The following SLC13A1 variants were observed in gnomAD, a reference collection of about 807,000 sequenced individuals.
The protein encoded by SLC13A1 is Na(+)/sulfate cotransporter.
A neutral mutation model predicts 70.0 loss-of-function variants in SLC13A1; 65 were observed. That is an observed-to-expected ratio of 0.93 (90% CI 0.76 to 1.14). SLC13A1 has a LOEUF of 1.14. Ranked by LOEUF, SLC13A1 falls within the 50% of genes most tolerant of loss-of-function variation. The pLI, the probability that SLC13A1 is intolerant of heterozygous loss-of-function variation, is 0.00. For synonymous variants in SLC13A1, 275 were observed against 250.5 expected (o/e 1.10, Z -0.92); for missense variants, 726 against 717.8 (o/e 1.01, Z -0.13).
chr7:123,149,795 C>G (rs1794492349), intron 6 of SLC13A1, among the ~76,000 whole-genome samples: 1 of 152,178 alleles, frequency 6.6e-6, no homozygotes, highest in Non-Finnish European at 1.5e-5. Flanking sequence ...TTCAACTGCA[C>G]TGGCAAATCT....
At chr7:123,117,032 G>C (rs10231000) in intron 14 of SLC13A1, among the ~76,000 whole-genome samples, 36,066 of 152,070 alleles carry the variant, frequency 0.24, 4,901 homozygotes, top group East Asian at 0.35. Flanking sequence ...CTTCATCAGT[G>C]AGGCACTGAC....
rs1445931804 is a variant in SLC13A1 at position 123,198,922 on chromosome 7, AAGTGTTTGAAG to A, written c.99+915_99+925del. Reference sequence around the variant, plus strand: ...CTGTGTGCCAGGCACTGCTCCAAATAAGTGTTTGAAGAGTGTTTCTTCATTTCATTCTCACA... The same window carrying A: ...CTGTGTGCCAGGCACTGCTCCAAATAAGTGTTTCTTCATTTCATTCTCACA... On this transcript the variant is annotated intron_variant, in intron 1 of 14. Coordinates refer to ENST00000194130, the MANE Select transcript of SLC13A1 (RefSeq NM_022444.4). Among the ~76,000 whole-genome samples, 5 of 152,158 alleles carry A rather than the reference AAGTGTTTGAAG, an allele frequency of 3.3e-5. No individual in the cohort carries two copies. In the East Asian group the frequency reaches 9.7e-4, roughly 30 times the overall value.
intron 3 of SLC13A1, among the ~76,000 whole-genome samples, chr7:123,170,908 T>C (rs1403420581): frequency 9.1e-6 from 1 of 109,670 alleles, no homozygotes; most frequent in Non-Finnish European, 1.9e-5. Context: ...ATATGTGTTA[T>C]ACAATTTTTA....
chr7:123,164,716 T>C (rs1795016012), intron 6 of SLC13A1, among the ~76,000 whole-genome samples: 5 of 151,816 alleles, frequency 3.3e-5, no homozygotes, highest in Admixed American at 3.3e-4. Flanking sequence ...TAAATGCCCA[T>C]ATCAAAAAGT....
intron 3 of SLC13A1, among the ~76,000 whole-genome samples, chr7:123,171,018 G>A (rs540270374): frequency 5.3e-4 from 80 of 151,640 alleles, no homozygotes; most frequent in African/African-American, 1.5e-3. Flanking sequence ...ATGTGTCTAC[G>A]CCCTAGAATG....
At chr7:123,178,496 A>C (rs904069832) in intron 2 of SLC13A1, among the ~76,000 whole-genome samples, 1 of 152,160 alleles carries the variant, frequency 6.6e-6, no homozygotes, top group African/African-American at 2.4e-5. Context: ...ATTGTTTAAC[A>C]TACATTATTT....
chr7:123,145,621 G>A (rs113672148), intron 7 of SLC13A1, among the ~76,000 whole-genome samples: 2,421 of 152,258 alleles, frequency 0.016, 33 homozygotes, highest in Non-Finnish European at 0.023. Flanking sequence ...GGATACATTG[G>A]ATAAATCCTC....
intron 6 of SLC13A1, among the ~76,000 whole-genome samples, chr7:123,165,755 T>C (rs1350790079): frequency 6.6e-6 from 1 of 152,216 alleles, no homozygotes; most frequent in Non-Finnish European, 1.5e-5. Flanking sequence ...AGCATCTGCA[T>C]TGTAGAGGTT....
In SLC13A1 at chr7:123,114,994, C is replaced by T. The variant is rs1267725749; in HGVS notation, c.*524G>A. ...ATTGGATTTTTTAAATGAGGAAATGCACATATCATTTAGATTAAACTTTTC... is the reference window on the plus strand; with the variant it reads ...ATTGGATTTTTTAAATGAGGAAATGTACATATCATTTAGATTAAACTTTTC... On this transcript the variant is annotated 3_prime_UTR_variant, in exon 15 of 15. Coordinates refer to ENST00000194130, the MANE Select transcript of SLC13A1 (RefSeq NM_022444.4). 6.6e-6 allele frequency: 1 copy of T among 152,094 alleles called. No individual in the cohort carries two copies. Among genetic ancestry groups the T allele is most frequent in the Non-Finnish European group, 1.5e-5 (1 of 68,060 alleles). The allele number at this position is 152,094 out of a possible 1,614,324, so 9.4% of individuals were successfully genotyped here.
At chr7:123,173,296 A>T (rs1795333956) in intron 2 of SLC13A1, among the ~76,000 whole-genome samples, 1 of 152,206 alleles carries the variant, frequency 6.6e-6, no homozygotes, top group Non-Finnish European at 1.5e-5. Context: ...TTACCCTTGA[A>T]ATTAAAAGTA....
chr7:123,117,947 T>C (rs997115271), intron 13 of SLC13A1, among the ~76,000 whole-genome samples: 1 of 151,398 alleles, frequency 6.6e-6, no homozygotes, highest in African/African-American at 2.4e-5. Flanking sequence ...TATATATTCA[T>C]ATATTTACAC....
rs1485412103 is a variant in SLC13A1, at chr7:123,168,579, A to G, written c.554-18T>C. 6.4e-7 allele frequency: 1 copy of G among 1,564,446 alleles called. No individual in the cohort carries two copies. The highest frequency in any genetic ancestry group is 1.7e-5 in the Admixed American group (1 of 59,390). ...AACACTTTCTGCAAAACATTAAATA[A>G]AAGAAAAACAATTTAAATAAGGGAT... is the stretch of plus-strand genomic sequence containing the variant. On this transcript the variant is annotated intron_variant, in intron 4 of 14. Coordinates refer to ENST00000194130, the MANE Select transcript of SLC13A1 (RefSeq NM_022444.4).
intron 14 of SLC13A1, among the ~76,000 whole-genome samples, chr7:123,115,995 A>G (rs1314570437): frequency 5.3e-5 from 8 of 152,298 alleles, no homozygotes; most frequent in Middle Eastern, 3.4e-3. Flanking sequence ...AATATACCTA[A>G]GTAATTCTGA....
At chr7:123,173,738 A>G (rs760995091) in intron 2 of SLC13A1, among the ~76,000 whole-genome samples, 5 of 152,132 alleles carry the variant, frequency 3.3e-5, no homozygotes, top group African/African-American at 1.2e-4. Flanking sequence ...TTTGCTAACC[A>G]TCACGTATTT....
rs543360005 is a variant in SLC13A1 at position 123,153,039 on chromosome 7, C to T, written c.661-5729G>A. Reference sequence around the variant, plus strand: ...AAAATATGCAATGTTTATATGATTTCCCTTTGCCACCTTAAAACTTTCAAA... The same window carrying T: ...AAAATATGCAATGTTTATATGATTTTCCTTTGCCACCTTAAAACTTTCAAA... On this transcript the variant is annotated intron_variant, in intron 6 of 14. Coordinates refer to ENST00000194130, the MANE Select transcript of SLC13A1 (RefSeq NM_022444.4). Among the ~76,000 whole-genome samples, 9 of 151,994 alleles carry T rather than the reference C, an allele frequency of 5.9e-5. No individual in the cohort carries two copies. In the South Asian group the frequency reaches 1.2e-3, roughly 21 times the overall value.
Position 123,113,603 on chromosome 7 carries a change from T to C in SLC13A1, c.*1915A>G, listed in dbSNP as rs1161547464. 6.6e-6 allele frequency: 1 copy of C among 152,168 alleles called. No homozygotes were observed. The highest frequency in any genetic ancestry group is 6.5e-5 in the Admixed American group (1 of 15,278). 9.4% of individuals were successfully genotyped at this position (152,168 alleles called of 1,614,324 possible). A position where few individuals can be genotyped will look rare whatever the true frequency, so the allele number is the denominator to read the frequency against. On this transcript the variant is annotated 3_prime_UTR_variant, in exon 15 of 15. Coordinates refer to ENST00000194130, the MANE Select transcript of SLC13A1 (RefSeq NM_022444.4). ...ATGATCTGATGCAATTCAGCAGTGA[T>C]AAATTGAATGACTAGAAAAAAGCAG...
rs1368903327 is a variant in SLC13A1, at chr7:123,171,865, T to G, written c.268A>C (p.Ile90Leu). Residue 90 changes from isoleucine to leucine, a missense_variant, in exon 3 of 15, where the codon ATT becomes CTT. Transcript: ENST00000194130. ...GATGTTGCTAAACAGATAACTCCAA[T>G]TAGCAGTAAGTGAAAATCCTTGAAA... ...AYFKDFHLLL[I>L]GVICLATSIE... 1 of 1,613,504 alleles carries G rather than the reference T, an allele frequency of 6.2e-7. No individual in the cohort carries two copies. The highest frequency in any genetic ancestry group is 1.3e-5 in the African/African-American group (1 of 75,024).
rs751175466 is a variant in SLC13A1 at position 123,168,537 on chromosome 7, T to A, written c.578A>T (p.Asn193Ile). The change falls in exon 5 of 15, where the codon AAT becomes ATT. Residue 193 changes from asparagine to isoleucine, a missense_variant. Physicochemically the swap from Asn to Ile is moderately radical, Grantham distance 149 (BLOSUM62 -3). Coordinates refer to ENST00000194130, the MANE Select transcript of SLC13A1 (RefSeq NM_022444.4). ...IDESVNGHEINERKEKTKPVP... is the reference protein window; with the variant it reads ...IDESVNGHEIIERKEKTKPVP... Reference sequence around the variant, plus strand: ...TGGTTTTGTTTTCTCTTTCCTCTCATTTATTTCATGTCCATTAACACTTTC... The same window carrying A: ...TGGTTTTGTTTTCTCTTTCCTCTCAATTATTTCATGTCCATTAACACTTTC... 1 of 1,610,180 alleles carries A rather than the reference T, an allele frequency of 6.2e-7. No homozygotes were observed. Among genetic ancestry groups the A allele is most frequent in the Non-Finnish European group, 8.5e-7 (1 of 1,177,302 alleles).
chr7:123,172,894 A>G (rs1015978313), intron 2 of SLC13A1, among the ~76,000 whole-genome samples: 9 of 152,308 alleles, frequency 5.9e-5, no homozygotes, highest in African/African-American at 2.2e-4. Context: ...CCTTTAAACA[A>G]TAGTGTATAA....
Sources: allele counts gnomAD v4.1 joint callset (sites outside exome capture counted in the v4.1 genomes callset), GRCh38; gene constraint gnomAD v4.1.1; transcripts MANE v1.5; gene names NCBI Gene and HGNC (gene_info 2026-07-23, HGNC 2026-07-21).